Variants in NBPF9 observed in about 807,000 individuals in gnomAD.
NBPF9 encodes the protein NBPF family member NBPF9.
NBPF9 carries 91 observed loss-of-function variants against 97.8 expected under a neutral mutation model. The ratio of observed to expected loss-of-function variants is 0.93; its 90% CI spans 0.79 to 1.11. NBPF9 has a LOEUF of 1.11. Ranked by LOEUF, NBPF9 falls within the 50% of genes least tolerant of loss-of-function variation. The pLI, the probability that NBPF9 is intolerant of heterozygous loss-of-function variation, is 0.00. For missense variants in NBPF9, 992 were observed against 939.5 expected (o/e 1.06, Z -0.73); for synonymous variants, 334 against 359.5 (o/e 0.93, Z 0.80).
At chr1:149,066,435 AG>A (rs2079043998) in intron 17 of NBPF9, 1 of 78,576 alleles carries the variant, frequency 1.3e-5, no homozygotes, top group Admixed American at 1.3e-4. Context: ...AAAACCACAA[AG>A]GTGGGGAGAA....
intron 3 of NBPF9, among the ~76,000 whole-genome samples, chr1:149,100,920 T>G (rs1203437527): frequency 4.1e-5 from 6 of 147,826 alleles, no homozygotes; most frequent in Non-Finnish European, 6.0e-5. Context: ...GGCAATAGAG[T>G]GAGGCCCTGT....
At chr1:149,100,598 C>A (rs1251307295) in intron 3 of NBPF9, among the ~76,000 whole-genome samples, 1 of 151,850 alleles carries the variant, frequency 6.6e-6, no homozygotes, top group Non-Finnish European at 1.5e-5. Flanking sequence ...ATAGTCTTTT[C>A]AATAAATGGT....
At chr1:149,076,077 A>G (rs1304403426) in intron 11 of NBPF9, among the ~76,000 whole-genome samples, 3 of 152,100 alleles carry the variant, frequency 2.0e-5, no homozygotes, top group Non-Finnish European at 2.9e-5. Flanking sequence ...AAACACTTCT[A>G]CACTTTTCTT....
chr1:149,089,137 G>A (rs1229066088), intron 5 of NBPF9, among the ~76,000 whole-genome samples: 1 of 152,140 alleles, frequency 6.6e-6, no homozygotes, highest in Admixed American at 6.5e-5. Context: ...ACAGCAGGGA[G>A]GGCAAATCCA....
In NBPF9 at chr1:149,069,731, C is replaced by T. The variant is rs1575834951; in HGVS notation, c.1586-86G>A. 3.3e-5 allele frequency: 29 copies of T among 887,970 alleles called. 1 individual carries two copies. In the East Asian group the frequency reaches 6.8e-4, roughly 21 times the overall value. 55.0% of individuals were successfully genotyped at this position (887,970 alleles called of 1,614,324 possible). A position where few individuals can be genotyped will look rare whatever the true frequency, so the allele number is the denominator to read the frequency against. ...ATCACTGTCCAGTCATAGCCAAGGA[C>T]ATAACTATTCTCAGTGCAAGAATAA... On this transcript the variant is annotated intron_variant, in intron 16 of 29. Coordinates refer to ENST00000584027, the Ensembl canonical transcript of NBPF9.
chr1:149,072,720 G>A lies in NBPF9; in HGVS notation c.1304C>T (p.Pro435Leu), dbSNP rs374365614. 38 of 1,611,624 alleles carry A rather than the reference G, an allele frequency of 2.4e-5. No homozygotes were observed. In the East Asian group the frequency reaches 3.1e-4, roughly 13 times the overall value. Residue 435 changes from proline (P) to leucine (L), a missense_variant and splice_region_variant, in exon 14 of 30, where the codon CCA becomes CTA. Transcript: ENST00000584027. ...AACAGGGCCTATGGCCACCTTACCT[G>A]GGCTGAGCTTTTGGACAAGGTGCTG... is the stretch of plus-strand genomic sequence containing the variant.
chr1:149,090,184 AAGG>A (rs2081326408), intron 5 of NBPF9: 1 of 150,724 alleles, frequency 6.6e-6, no homozygotes, highest in East Asian at 2.4e-4. Context: ...GTAGGTTGAA[AAGG>A]AGGAGGTACT....
Position 149,062,898 on chromosome 1 carries a change from TG to T in NBPF9, c.2041del (p.Gln681LysfsTer47). ...TGGGTCTTGGTCTTCTTCCACTTCT[TG>T]GTACTTTTCAATTTCTGCAATAAGT... On this transcript the variant is annotated frameshift_variant, in exon 21 of 30. Coordinates refer to ENST00000584027, the Ensembl canonical transcript of NBPF9. LOFTEE classifies it high-confidence loss of function. 3.7e-6 allele frequency: 3 copies of T among 801,726 alleles called. No individual in the cohort carries two copies. The highest frequency in any genetic ancestry group is 6.6e-6 in the Non-Finnish European group (3 of 452,264). 49.7% of individuals were successfully genotyped at this position (801,726 alleles called of 1,614,324 possible). A position where few individuals can be genotyped will look rare whatever the true frequency, so the allele number is the denominator to read the frequency against.
intron 5 of NBPF9, among the ~76,000 whole-genome samples, chr1:149,087,415 GTATC>G (rs1185874380): frequency 1.1e-4 from 17 of 150,380 alleles, no homozygotes; most frequent in Admixed American, 2.6e-4. Flanking sequence ...ATACATGTGA[GTATC>G]TATTTCTGGA....
chr1:149,062,341 T>G, intron 21 of NBPF9, 76 bp from the exon 22 acceptor site: 1 of 613,344 alleles, frequency 1.6e-6, no homozygotes, highest in East Asian at 2.7e-5. Flanking sequence ...ATTTCATGGC[T>G]AACATAAGGA....
chr1:149,063,101 T>A (rs1483262388), intron 20 of NBPF9, among the ~76,000 whole-genome samples, 188 bp from the exon 21 acceptor site: 1 of 142,536 alleles, frequency 7.0e-6, no homozygotes, highest in Non-Finnish European at 1.5e-5. Flanking sequence ...TCCCAGAAAC[T>A]GTGGGTAAAA....
intron 18 of NBPF9, chr1:149,064,952 T>C: frequency 1.9e-6 from 1 of 533,254 alleles, no homozygotes. Flanking sequence ...CTATTATGGC[T>C]TTTGTGGGTG....
At chr1:149,079,537 T>C (rs1311601823) in intron 8 of NBPF9, among the ~76,000 whole-genome samples, 2 of 149,630 alleles carry the variant, frequency 1.3e-5, no homozygotes, top group Non-Finnish European at 3.0e-5. Flanking sequence ...CATGGACATT[T>C]CCATGTGAAA....
chr1:149,082,096 A>C, exon 7 of NBPF9: 1 of 1,610,508 alleles, frequency 6.2e-7, no homozygotes, highest in Admixed American at 1.7e-5. Context: ...TAGAATGTTC[A>C]TCTCTGCCTT....
rs2152865740 is a variant in NBPF9 at position 149,059,182 on chromosome 1, G to C, written c.2586-85C>G. 3 of 426,640 alleles carry C rather than the reference G, an allele frequency of 7.0e-6. No homozygotes were observed. In the East Asian group the frequency reaches 8.9e-5, roughly 13 times the overall value. 26.4% of individuals were successfully genotyped at this position (426,640 alleles called of 1,614,324 possible). A position where few individuals can be genotyped will look rare whatever the true frequency, so the allele number is the denominator to read the frequency against. On this transcript the variant is annotated intron_variant, in intron 25 of 29. Transcript: ENST00000584027. Reference sequence around the variant, plus strand: ...AGCTAGATTTCATGGCTAACATAAGGAACTGTTTAAAAAGAAAAAGGACAG... The same window carrying C: ...AGCTAGATTTCATGGCTAACATAAGCAACTGTTTAAAAAGAAAAAGGACAG...
At chr1:149,076,350 A>G (rs1468564625) in intron 11 of NBPF9, among the ~76,000 whole-genome samples, 2 of 151,104 alleles carry the variant, frequency 1.3e-5, no homozygotes, top group Admixed American at 6.6e-5. Flanking sequence ...AGGGCCAAGT[A>G]ACATGCCAGC....
chr1:149,062,724 T>A (rs1423178504), intron 21 of NBPF9, 138 bp downstream of exon 21: 1 of 744,840 alleles, frequency 1.3e-6, no homozygotes, highest in East Asian at 2.5e-5. Context: ...TCTACTGCAA[T>A]GAAAACCAAC....
intron 4 of NBPF9, among the ~76,000 whole-genome samples, chr1:149,097,902 CCT>C (rs1399361161): frequency 6.6e-6 from 1 of 152,150 alleles, no homozygotes; most frequent in South Asian, 2.1e-4. Flanking sequence ...TCAAAAGTGG[CCT>C]CTCTTTTAAC....
chr1:149,052,743 G>T (rs2077984057), downstream of NBPF9, among the ~76,000 whole-genome samples: 1 of 150,144 alleles, frequency 6.7e-6, no homozygotes, highest in South Asian at 2.2e-4. Flanking sequence ...ATGAATAAGG[G>T]TGTGTTCTAT....
Sources: allele counts gnomAD v4.1 joint callset (sites outside exome capture counted in the v4.1 genomes callset), GRCh38; gene constraint gnomAD v4.1.1; transcripts MANE v1.5; gene names NCBI Gene and HGNC (gene_info 2026-07-23, HGNC 2026-07-21).